The following APOBEC3F variants were observed in gnomAD, a reference collection of about 807,000 sequenced individuals.
The protein encoded by APOBEC3F is apolipoprotein B mRNA editing enzyme catalytic subunit 3F.
APOBEC3F carries 34 observed loss-of-function variants against 45.8 expected under a neutral mutation model. The ratio of observed to expected loss-of-function variants is 0.74; its 90% CI spans 0.57 to 0.99. The LOEUF (loss-of-function observed/expected upper bound fraction) is 0.99, where lower values mean the gene tolerates loss of function less well. Among genes scored for constraint, APOBEC3F ranks in the 50% least tolerant of loss-of-function variants. The pLI is 0.00. For missense variants in APOBEC3F, 459 were observed against 474.1 expected, an observed-to-expected ratio of 0.97 and a Z score of 0.30; for synonymous variants, 192 against 174.4, an observed-to-expected ratio of 1.10 and a Z score of -0.80.
intron 5 of APOBEC3F, among the ~76,000 whole-genome samples, chr22:39,050,913 C>T (rs1228432646): frequency 6.6e-6 from 1 of 152,138 alleles, no homozygotes; most frequent in South Asian, 2.1e-4. Context: ...CACACATGAC[C>T]TATGATGAGA....
chr22:39,045,098 AC>A lies in APOBEC3F; in HGVS notation c.333del (p.Asn112MetfsTer4). 1.2e-6 allele frequency: 2 copies of A among 1,613,300 alleles called. No homozygotes were observed. The highest frequency in any genetic ancestry group is 1.7e-6 in the Non-Finnish European group (2 of 1,179,840). ...AAGCTGGCCGAATTCCTGGCTGAGC[AC>A]CCCAATGTCACCCTGACCATCTCCG... ...VAKLAEFLAE[H>X]PNVTLTISAA... On this transcript the variant is annotated frameshift_variant, in exon 3 of 7. Coordinates refer to ENST00000308521, the MANE Select transcript of APOBEC3F (RefSeq NM_145298.6). LOFTEE classifies it high-confidence loss of function.
At chr22:39,046,196 C>T (rs955708424) in intron 4 of APOBEC3F, among the ~76,000 whole-genome samples, 18 of 152,138 alleles carry the variant, frequency 1.2e-4, no homozygotes, top group African/African-American at 3.9e-4. Context: ...ATGTCCTCCT[C>T]GTTTATGGAC....
chr22:39,052,964 C>A lies in APOBEC3F; in HGVS notation c.*269C>A. On this transcript the variant is annotated 3_prime_UTR_variant, in exon 7 of 7. Coordinates refer to ENST00000308521, the MANE Select transcript of APOBEC3F (RefSeq NM_145298.6). ...CCTGCATGCCCCTAACCTGCCTTTT[C>A]CCATCTCCCCAGCATAACCTAATAT... 1.8e-6 allele frequency: 1 copy of A among 545,160 alleles called. No homozygotes were observed. The highest frequency in any genetic ancestry group is 2.7e-6 in the Non-Finnish European group (1 of 370,416). 33.8% of individuals were successfully genotyped at this position (545,160 alleles called of 1,614,324 possible).
At chr22:39,045,843 A>G (rs1927190844) in intron 4 of APOBEC3F, among the ~76,000 whole-genome samples, 1 of 151,776 alleles carries the variant, frequency 6.6e-6, no homozygotes, top group African/African-American at 2.4e-5. Context: ...GGCATAATCG[A>G]ATTTGTCATA....
intron 3 of APOBEC3F, 80 bp downstream of exon 3, chr22:39,045,300 G>A: frequency 6.3e-7 from 1 of 1,594,876 alleles, no homozygotes; most frequent in Admixed American, 1.7e-5. Context: ...CCATGGCTGG[G>A]GGTGTCCCAG....
rs555517853 is a variant in APOBEC3F, at chr22:39,053,637, C to G, written c.*942C>G. The G allele has an allele frequency of 6.6e-6, 1 of 152,178 alleles. No individual in the cohort carries two copies. The highest frequency in any genetic ancestry group is 6.5e-5 in the Admixed American group (1 of 15,280). The allele number at this position is 152,178 out of a possible 1,614,324, so 9.4% of individuals were successfully genotyped here. On this transcript the variant is annotated 3_prime_UTR_variant, in exon 7 of 7. Transcript: ENST00000308521. ...CTGAAAATAAATCAATAAATAAACT[C>G]AACCGAAATGGGTATGAAAGTTGAA...
intron 2 of APOBEC3F, chr22:39,044,238 G>T: frequency 6.3e-7 from 1 of 1,595,008 alleles, no homozygotes. Context: ...CACAGCAGGG[G>T]CTGAGGATGC....
Position 39,050,812 on chromosome 22 carries a change from C to G in APOBEC3F, c.723+1231C>G, listed in dbSNP as rs550325677. Among the ~76,000 whole-genome samples the G allele has an allele frequency of 3.9e-5, 6 of 152,140 alleles. No homozygotes were observed. In the South Asian group the frequency reaches 6.2e-4, roughly 16 times the overall value. ...AATGACCTTCCCAGCAGAAGGCAGA[C>G]AGGGGACAAGGCAGACCCCATAGGA... On this transcript the variant is annotated intron_variant, in intron 5 of 6. Coordinates refer to ENST00000308521, the MANE Select transcript of APOBEC3F (RefSeq NM_145298.6).
At chr22:39,046,462 T>G (rs1402272211) in intron 4 of APOBEC3F, among the ~76,000 whole-genome samples, 1 of 151,980 alleles carries the variant, frequency 6.6e-6, no homozygotes, top group East Asian at 1.9e-4. Flanking sequence ...CTCCAGACCT[T>G]GCTGCACCCT....
rs200411723 is a variant in APOBEC3F at position 39,042,306 on chromosome 22, CTCTCT to C, written c.18-629_18-625del. ...TTTGGGGTGAATAGTTTTATTCTCT[CTCTCT>C]TTTTTTTTTTTTTTTTTGAGATGGA... On this transcript the variant is annotated intron_variant, in intron 1 of 6. Coordinates refer to ENST00000308521, the MANE Select transcript of APOBEC3F (RefSeq NM_145298.6). 3.0e-5 allele frequency among the ~76,000 whole-genome samples: 4 copies of C among 132,528 alleles called. 1 individual carries two copies. The highest frequency in any genetic ancestry group is 7.2e-5 in the Admixed American group (1 of 13,894). 86.9% of individuals were successfully genotyped at this position (132,528 alleles called of 152,430 possible).
Position 39,052,341 on chromosome 22 carries a change from A to C in APOBEC3F, c.991A>C (p.Met331Leu). Residue 331 changes from methionine (M) to leucine (L), a missense_variant, in exon 6 of 7, where the codon ATG becomes CTG. Physicochemically the swap from Met to Leu is conservative, Grantham distance 15. Coordinates refer to ENST00000308521, the MANE Select transcript of APOBEC3F (RefSeq NM_145298.6). ...TCAGGAAGGGGCCTCCGTGGAGATC[A>C]TGGGCTACAAAGGTGAGACGTTGGG... ...LSQEGASVEI[M>L]GYKDFKYCWE... is the part of the protein sequence containing the mutation. The C allele has an allele frequency of 3.7e-6, 6 of 1,614,188 alleles. No individual in the cohort carries two copies. The highest frequency in any genetic ancestry group is 5.1e-6 in the Non-Finnish European group (6 of 1,180,030).
intron 2 of APOBEC3F, chr22:39,043,936 A>G (rs1877932627): frequency 2.6e-6 from 3 of 1,157,724 alleles, no homozygotes; most frequent in Middle Eastern, 2.2e-4. Context: ...GAGGCAGGAG[A>G]ACCGCTTGAA....
chr22:39,051,087 A>G (rs560329721), intron 5 of APOBEC3F, among the ~76,000 whole-genome samples: 1 of 152,204 alleles, frequency 6.6e-6, no homozygotes, highest in South Asian at 2.1e-4. Flanking sequence ...AACTACAAAA[A>G]TTAGCCAGGC....
chr22:39,051,444 G>A (rs1449877716), intron 5 of APOBEC3F, among the ~76,000 whole-genome samples: 1 of 151,810 alleles, frequency 6.6e-6, no homozygotes, highest in East Asian at 1.9e-4. Flanking sequence ...GGCTGAGGCA[G>A]GAGAATGGCG....
At position 39,043,155 on chromosome 22, in the gene APOBEC3F, A is replaced by C. The variant is rs543665985; in HGVS notation, c.171+65A>C. ...AGCCAGCTGGGAAAGCAAACCACGC[A>C]CTGATAAGTGAAGTGCCCGGCGGCG... On this transcript the variant is annotated intron_variant, in intron 2 of 6. Transcript: ENST00000308521. 40 of 1,583,598 alleles carry C rather than the reference A, an allele frequency of 2.5e-5. No individual in the cohort carries two copies. The Admixed American group carries it at 5.5e-4, about 22-fold the overall frequency.
In APOBEC3F at chr22:39,049,520, C is replaced by T; in HGVS notation, c.662C>T (p.Thr221Ile). The T allele has an allele frequency of 1.2e-6, 2 of 1,614,090 alleles. No homozygotes were observed. The highest frequency in any genetic ancestry group is 1.7e-6 in the Non-Finnish European group (2 of 1,180,024). ...YGRNESWLCF[T>I]MEVVKHHSPV... ...CGGAACGAAAGCTGGCTGTGCTTCA[C>T]CATGGAAGTTGTAAAGCACCACTCA... is the stretch of plus-strand genomic sequence containing the variant. The change falls in exon 5 of 7, where the codon ACC (threonine) becomes ATC (isoleucine). Residue 221 changes from threonine (T) to isoleucine (I), a missense_variant. Physicochemically the swap from Thr to Ile is moderately conservative, Grantham distance 89 (BLOSUM62 -1). Transcript: ENST00000308521.
In APOBEC3F at chr22:39,052,134, A is replaced by T. The variant is rs1161203066; in HGVS notation, c.784A>T (p.Ile262Leu). The change falls in exon 6 of 7, where the codon ATA becomes TTA. Residue 262 changes from isoleucine (I) to leucine (L), a missense_variant. Coordinates refer to ENST00000308521, the MANE Select transcript of APOBEC3F (RefSeq NM_145298.6). The part of the protein sequence containing the change: ...RCFLSWFCDD[I>L]LSPNTNYEVT... ...CTTCCTCTCTTGGTTCTGTGACGAC[A>T]TACTGTCTCCTAACACAAACTACGA... is the stretch of plus-strand genomic sequence containing the variant. 5.6e-6 allele frequency: 9 copies of T among 1,613,706 alleles called. No individual in the cohort carries two copies. The highest frequency in any genetic ancestry group is 7.6e-6 in the Non-Finnish European group (9 of 1,179,640).
Position 39,042,129 on chromosome 22 carries a change from C to G in APOBEC3F, c.18-808C>G, listed in dbSNP as rs568107377. On this transcript the variant is annotated intron_variant, in intron 1 of 6. Coordinates refer to ENST00000308521, the MANE Select transcript of APOBEC3F (RefSeq NM_145298.6). The stretch of plus-strand genomic sequence containing the variant: ...CTCTGTAAGATGGGAATGGCCCGTG[C>G]GGGCCTAGGGCAGCCTCACATGAGC... 2.0e-5 allele frequency among the ~76,000 whole-genome samples: 3 copies of G among 152,272 alleles called. No homozygotes were observed. The East Asian group carries it at 5.8e-4, about 29-fold the overall frequency.
chr22:39,050,602 T>C (rs1927439677), intron 5 of APOBEC3F, among the ~76,000 whole-genome samples: 1 of 151,438 alleles, frequency 6.6e-6, no homozygotes, highest in South Asian at 2.1e-4. Flanking sequence ...TTATCTCACA[T>C]AGGATTTCAA....
Sources: allele counts gnomAD v4.1 joint callset (sites outside exome capture counted in the v4.1 genomes callset), GRCh38; gene constraint gnomAD v4.1.1; transcripts MANE v1.5; gene names NCBI Gene and HGNC (gene_info 2026-07-23, HGNC 2026-07-21).